GNAL: variants seen among roughly 807,000 people sequenced by gnomAD.
GNAL encodes guanine nucleotide-binding protein G(olf) subunit alpha.
Under a neutral mutation model 55.1 loss-of-function variants are expected in GNAL, and 18 were observed. The observed-to-expected ratio is 0.33, with a 90% confidence interval of 0.23 to 0.48. The LOEUF is 0.48. Ranked by LOEUF, GNAL falls within the 20% of genes least tolerant of loss-of-function variation. The pLI is 0.99. For missense variants in GNAL, 412 were observed against 614.1 expected (o/e 0.67, Z 3.48); for synonymous variants, 253 against 237.0 (o/e 1.07, Z -0.62).
intron 1 of GNAL, among the ~76,000 whole-genome samples, chr18:11,748,270 A>G (rs1311396255): frequency 2.0e-5 from 3 of 152,220 alleles, no homozygotes; most frequent in Non-Finnish European, 2.9e-5. Context: ...GTGGCACACA[A>G]TGCAGGTAAT....
At chr18:11,826,284 G>GGAGGAGA (rs2035242765) in intron 5 of GNAL, among the ~76,000 whole-genome samples, 3 of 21,850 alleles carry the variant, frequency 1.4e-4, no homozygotes, top group Non-Finnish European at 1.9e-4. Flanking sequence ...AGGAGGAGGA[G>GGAGGAGA]CGGGGAGGGG....
chr18:11,796,441 G>A lies in GNAL; in HGVS notation c.625-28477G>A, dbSNP rs1157984703. 2.6e-5 allele frequency among the ~76,000 whole-genome samples: 4 copies of A among 151,910 alleles called. No homozygotes were observed. The South Asian group carries it at 8.3e-4, about 32-fold the overall frequency. The stretch of plus-strand genomic sequence containing the variant: ...AAATACAAAACAAAATTAGCCAGGC[G>A]TGGTGGCGGGCGCCTGTAGTCCCAG... On this transcript the variant is annotated intron_variant, in intron 4 of 11. Coordinates refer to ENST00000334049, the MANE Select transcript of GNAL (RefSeq NM_182978.4).
At chr18:11,788,756 G>A (rs1481665894) in intron 4 of GNAL, among the ~76,000 whole-genome samples, 1 of 150,926 alleles carries the variant, frequency 6.6e-6, no homozygotes, top group Non-Finnish European at 1.5e-5. Context: ...AATTAGCTGG[G>A]TGTGGTGGCA....
At chr18:11,703,124 AAAAC>A (rs1385628129) in intron 1 of GNAL, among the ~76,000 whole-genome samples, 3 of 152,224 alleles carry the variant, frequency 2.0e-5, no homozygotes, top group African/African-American at 4.8e-5. Flanking sequence ...TCTCAAAAAC[AAAAC>A]AAACAAACAA....
At chr18:11,776,097 G>A (rs770207076) in intron 4 of GNAL, among the ~76,000 whole-genome samples, 1 of 152,160 alleles carries the variant, frequency 6.6e-6, no homozygotes, top group Non-Finnish European at 1.5e-5. Context: ...AACAGCATCC[G>A]CCTCCAGAGC....
At chr18:11,875,941 A>G (rs139913507) in intron 10 of GNAL, among the ~76,000 whole-genome samples, 1 of 151,830 alleles carries the variant, frequency 6.6e-6, no homozygotes, top group Non-Finnish European at 1.5e-5. Context: ...TCCTCCTCAC[A>G]TGGTGGAGAG....
intron 1 of GNAL, among the ~76,000 whole-genome samples, chr18:11,703,110 T>C (rs963685254): frequency 6.6e-6 from 1 of 152,294 alleles, no homozygotes; most frequent in East Asian, 1.9e-4. Flanking sequence ...AGAGCAAGAC[T>C]CCGTCTCAAA....
At chr18:11,699,046 A>G (rs1050187542) in intron 1 of GNAL, among the ~76,000 whole-genome samples, 1 of 152,182 alleles carries the variant, frequency 6.6e-6, no homozygotes, top group Admixed American at 6.6e-5. Flanking sequence ...GCCCAAAATC[A>G]CTTCATGATA....
chr18:11,761,920 C>T (rs780847850), intron 4 of GNAL, among the ~76,000 whole-genome samples: 4 of 152,198 alleles, frequency 2.6e-5, no homozygotes, highest in Non-Finnish European at 5.9e-5. Flanking sequence ...CTTTCTTGTT[C>T]TAATTTGCAC....
chr18:11,754,132 C>T (rs1036789775), intron 4 of GNAL, among the ~76,000 whole-genome samples, 187 bp downstream of exon 4: 6 of 152,076 alleles, frequency 3.9e-5, no homozygotes, highest in South Asian at 4.1e-4. Flanking sequence ...ATATTAACTA[C>T]GGCCAGGGGC....
intron 4 of GNAL, among the ~76,000 whole-genome samples, chr18:11,801,361 G>A (rs1352245812): frequency 1.3e-5 from 2 of 152,130 alleles, no homozygotes; most frequent in African/African-American, 2.4e-5. Flanking sequence ...GACCAGCCTC[G>A]CCAGCATGGT....
At chr18:11,852,613 GTTT>G (rs59761845) in intron 5 of GNAL, 4,388 of 150,836 alleles carry the variant, frequency 0.029, 126 homozygotes, top group African/African-American at 0.078. Flanking sequence ...TTTGGTTTTT[GTTT>G]TTTTTTTTTT....
intron 5 of GNAL, among the ~76,000 whole-genome samples, chr18:11,846,476 C>CACACAT: frequency 6.7e-6 from 1 of 148,602 alleles, no homozygotes; most frequent in Non-Finnish European, 1.5e-5. Flanking sequence ...CACACACACA[C>CACACAT]ACACACACAC....
chr18:11,725,673 C>G (rs551579735), intron 1 of GNAL, among the ~76,000 whole-genome samples: 1 of 152,160 alleles, frequency 6.6e-6, no homozygotes, highest in Non-Finnish European at 1.5e-5. Context: ...TTTATTCATT[C>G]ACCTGTTGGA....
chr18:11,881,125 A>C lies in GNAL; in HGVS notation c.1367A>C (p.Glu456Ala). Reference sequence around the variant, plus strand: ...CAGCGGATGCACCTCAAGCAGTATGAGCTCTTGTGAGGATGCTGCCGCCAC... The same window carrying C: ...CAGCGGATGCACCTCAAGCAGTATGCGCTCTTGTGAGGATGCTGCCGCCAC... ...IIQRMHLKQY[E>A]LL The change falls in exon 12 of 12, where the codon GAG (glutamate) becomes GCG (alanine). Residue 456 changes from glutamate to alanine, a missense_variant. Physicochemically the swap from Glu to Ala is moderately radical, Grantham distance 107 (BLOSUM62 -1). Coordinates refer to ENST00000334049, the MANE Select transcript of GNAL (RefSeq NM_182978.4). This position sits in a 1 kb window ranked among gnomAD's most constrained non-coding sequence, Gnocchi z 4.8. 6.2e-7 allele frequency: 1 copy of C among 1,608,240 alleles called. No individual in the cohort carries two copies. Among genetic ancestry groups the C allele is most frequent in the African/African-American group, 1.3e-5 (1 of 74,918 alleles).
intron 1 of GNAL, among the ~76,000 whole-genome samples, chr18:11,724,522 C>T (rs8082911): frequency 0.013 from 1,979 of 152,308 alleles, 38 homozygotes; most frequent in African/African-American, 0.045. Context: ...TCCACACACA[C>T]GACCTGAGTC....
chr18:11,758,166 C>T lies in GNAL; in HGVS notation c.624+4221C>T, dbSNP rs2033123548. 2.0e-5 allele frequency among the ~76,000 whole-genome samples: 3 copies of T among 152,098 alleles called. No individual in the cohort carries two copies. The South Asian group carries it at 6.2e-4, about 32-fold the overall frequency. Reference sequence around the variant, plus strand: ...TCCTCGAGAAGAATGGGGTCCGGAACAAAAAAGGACCAGACCAACTCCCCA... The same window carrying T: ...TCCTCGAGAAGAATGGGGTCCGGAATAAAAAAGGACCAGACCAACTCCCCA... On this transcript the variant is annotated intron_variant, in intron 4 of 11. Coordinates refer to ENST00000334049, the MANE Select transcript of GNAL (RefSeq NM_182978.4).
At chr18:11,742,161 G>T (rs966948693) in intron 1 of GNAL, among the ~76,000 whole-genome samples, 2 of 152,144 alleles carry the variant, frequency 1.3e-5, no homozygotes, top group Admixed American at 1.3e-4. Context: ...TGTGTTCCCA[G>T]CCAGCAGCTT....
At chr18:11,793,819 A>G (rs951619629) in intron 4 of GNAL, among the ~76,000 whole-genome samples, 11 of 146,638 alleles carry the variant, frequency 7.5e-5, no homozygotes, top group African/African-American at 2.8e-4. Flanking sequence ...GCTACTTGGG[A>G]GGCTGAGGCT....
Sources: gnomAD v4.1 joint callset for allele counts (sites outside exome capture counted in the v4.1 genomes callset) on GRCh38, gnomAD v4.1.1 for gene constraint, Gnocchi (gnomAD v3.1) non-coding constraint, MANE v1.5 for transcripts, NCBI Gene and HGNC (gene_info 2026-07-23, HGNC 2026-07-21) for gene names.